The following DRC4 variants were observed in gnomAD, a reference collection of about 807,000 sequenced individuals.
The protein encoded by DRC4 is GAS-11.
chr16:90,039,532 C>T, the DRC4 span, among the ~76,000 whole-genome samples: 1 of 151,826 alleles, frequency 6.6e-6, no homozygotes, highest in African/African-American at 2.4e-5. Context: ...ATTACAGGCG[C>T]CTGCCACCAC....
the DRC4 span, chr16:90,019,863 TCA>T: frequency 1.6e-6 from 1 of 637,324 alleles, no homozygotes; most frequent in African/African-American, 1.9e-5. This position sits in a 1 kb window ranked among gnomAD's most constrained non-coding sequence, Gnocchi z 6.1. Flanking sequence ...AATGACAGAC[TCA>T]CAGAGCGCCC....
the DRC4 span, among the ~76,000 whole-genome samples, chr16:90,024,452 C>T: frequency 6.6e-6 from 1 of 152,128 alleles, no homozygotes; most frequent in African/African-American, 2.4e-5. Context: ...GAAATAAAGG[C>T]AGTTGTTCAG....
At chr16:90,036,180 G>A in the DRC4 span, 5 of 599,240 alleles carry the variant, frequency 8.3e-6, no homozygotes, top group Non-Finnish European at 8.6e-6. Context: ...AAGGCAGGCC[G>A]ACAGTGGTGT....
the DRC4 span, chr16:90,032,884 A>G: frequency 1.2e-6 from 2 of 1,613,894 alleles, no homozygotes; most frequent in Non-Finnish European, 1.7e-6. Flanking sequence ...CTCAAGGAGC[A>G]GGAGCTGGCC....
chr16:90,027,885 G>A, the DRC4 span: 4 of 627,078 alleles, frequency 6.4e-6, no homozygotes, highest in South Asian at 2.0e-5. Flanking sequence ...CAAAGCTTTC[G>A]GCTGCACCAT....
chr16:90,036,311 C>A, the DRC4 span: 2 of 1,389,592 alleles, frequency 1.4e-6, no homozygotes, highest in Non-Finnish European at 2.0e-6. Flanking sequence ...CGTTTACAGG[C>A]TCCATGTTCT....
chr16:90,029,080 T>C, the DRC4 span: 1 of 1,243,674 alleles, frequency 8.0e-7, no homozygotes, highest in African/African-American at 1.7e-5. Flanking sequence ...GCTGCCCGTC[T>C]CCCTGTCCGC....
chr16:90,032,576 G>T, the DRC4 span: 1 of 714,010 alleles, frequency 1.4e-6, no homozygotes, highest in South Asian at 1.7e-5. Context: ...AGGAGGTGTG[G>T]TACAGGTGAC....
the DRC4 span, chr16:90,022,484 T>C: frequency 2.2e-6 from 1 of 451,806 alleles, no homozygotes; most frequent in Non-Finnish European, 3.9e-6. Context: ...AAACATGCCC[T>C]GCAGCGAAAG....
the DRC4 span, among the ~76,000 whole-genome samples, chr16:90,024,683 C>G: frequency 1.3e-5 from 2 of 151,996 alleles, no homozygotes; most frequent in African/African-American, 4.8e-5. Context: ...GTTGGGTTTT[C>G]TTATATATAA....
chr16:90,026,885 C>A, the DRC4 span, among the ~76,000 whole-genome samples: 1 of 140,582 alleles, frequency 7.1e-6, no homozygotes, highest in East Asian at 2.3e-4. Flanking sequence ...GGAATGAGTT[C>A]CCTCTCTTTT....
chr16:90,040,793 C>T, the DRC4 span, among the ~76,000 whole-genome samples: 1 of 151,574 alleles, frequency 6.6e-6, no homozygotes, highest in Non-Finnish European at 1.5e-5. Flanking sequence ...GGTTGGAGAG[C>T]CGCCAGGAGG....
chr16:90,020,489 T>G, the DRC4 span, among the ~76,000 whole-genome samples: 1 of 152,202 alleles, frequency 6.6e-6, no homozygotes, highest in African/African-American at 2.4e-5. Flanking sequence ...TATTAACATT[T>G]GCTCTGGGAT....
chr16:90,028,413 C>T, the DRC4 span, among the ~76,000 whole-genome samples: 3 of 151,866 alleles, frequency 2.0e-5, no homozygotes, highest in Admixed American at 1.3e-4. Context: ...TGGTCTCGAT[C>T]TCCTGACCTC....
chr16:90,036,999 C>A, the DRC4 span: 3 of 583,264 alleles, frequency 5.1e-6, no homozygotes, highest in African/African-American at 1.9e-5. Flanking sequence ...TTGGTGGAAT[C>A]TTGAACAAAG....
At chr16:90,023,745 T>C in the DRC4 span, among the ~76,000 whole-genome samples, 1 of 150,890 alleles carries the variant, frequency 6.6e-6, no homozygotes, top group Non-Finnish European at 1.5e-5. Context: ...TGTAATCCCA[T>C]CACTTTGGGA....
chr16:90,042,821 G>A, the DRC4 span: 3 of 520,246 alleles, frequency 5.8e-6, no homozygotes, highest in Non-Finnish European at 1.0e-5. Context: ...GAGTCAGAAG[G>A]TGCTGTGCCC....
chr16:90,029,141 CG>C, the DRC4 span: 1 of 1,335,574 alleles, frequency 7.5e-7, no homozygotes. Flanking sequence ...ATGGAGCCTA[CG>C]GGGCAGCCTA....
the DRC4 span, chr16:90,035,747 G>C: frequency 6.2e-7 from 1 of 1,614,082 alleles, no homozygotes; most frequent in Non-Finnish European, 8.5e-7. Flanking sequence ...CATCAGAGAG[G>C]AATTTACCTC....
Sources: gnomAD v4.1 joint callset for allele counts (sites outside exome capture counted in the v4.1 genomes callset) on GRCh38, gnomAD v4.1.1 for gene constraint, Gnocchi (gnomAD v3.1) non-coding constraint, MANE v1.5 for transcripts, NCBI Gene and HGNC (gene_info 2026-07-23, HGNC 2026-07-21) for gene names.